STAG3: variants seen among roughly 807,000 people sequenced by gnomAD.
The protein encoded by STAG3 is cohesin subunit SA-3.
Under a neutral mutation model 160.7 loss-of-function variants are expected in STAG3, and 101 were observed. The observed-to-expected ratio is 0.63, with a 90% CI of 0.54 to 0.74. The LOEUF is 0.74. STAG3 is among the 30% of genes least tolerant of loss of function. STAG3 has a pLI of 0.00. For synonymous variants in STAG3, 519 were observed against 585.0 expected (o/e 0.89, Z 1.63); for missense variants, 1,188 against 1,517.4 (o/e 0.78, Z 3.61).
intron 1 of STAG3, among the ~76,000 whole-genome samples, chr7:100,179,639 T>C (rs1799514327): frequency 6.6e-6 from 1 of 152,198 alleles, no homozygotes; most frequent in Non-Finnish European, 1.5e-5. Context: ...GGTGTGTGAC[T>C]TCCTCAGCTT....
Position 100,211,803 on chromosome 7 carries a change from T to C in STAG3, c.3527T>C (p.Leu1176Pro). 1 of 1,614,082 alleles carries C rather than the reference T, an allele frequency of 6.2e-7. No homozygotes were observed. The highest frequency in any genetic ancestry group is 8.5e-7 in the Non-Finnish European group (1 of 1,179,996). ...GLGNQLMRLS[L>P]MEEDEEEELE... ...CTTTGCCCCTACATCAGACTCAGCC[T>C]TATGGAAGAGGACGAGGAAGAAGAG... The change falls in exon 32 of 34, where the codon CTT (leucine) becomes CCT (proline). Residue 1176 changes from leucine to proline, a missense_variant. By Grantham distance (98) the Leu-to-Pro change is moderately conservative. This residue lies in a region of STAG3 where 647 missense variants were observed against 717.2 expected (regional missense o/e 0.90). Coordinates refer to ENST00000615138, the MANE Select transcript of STAG3 (RefSeq NM_001282717.2).
chr7:100,206,883 G>A lies in STAG3; in HGVS notation c.3238+1499G>A, dbSNP rs564839079. Among the ~76,000 whole-genome samples the A allele has an allele frequency of 1.0e-3, 157 of 152,178 alleles. 3 individuals carry two copies. The South Asian group carries it at 0.029, about 28-fold the overall frequency. On this transcript the variant is annotated intron_variant, in intron 29 of 33. Coordinates refer to ENST00000615138, the MANE Select transcript of STAG3 (RefSeq NM_001282717.2). The stretch of plus-strand genomic sequence containing the variant: ...TCCAAAAGAAACCACATACCCATTC[G>A]CAGTCTCTGCCCATCTTCCCAGCCT...
At position 100,211,081 on chromosome 7, in the gene STAG3, G is replaced by A. The variant is rs147288707; in HGVS notation, c.3309G>A (p.Pro1103=). The A allele has an allele frequency of 8.6e-6, 10 of 1,165,482 alleles. No homozygotes were observed. The highest frequency in any genetic ancestry group is 4.7e-5 in the African/African-American group (3 of 64,264). The allele number at this position is 1,165,482 out of a possible 1,614,324, so 72.2% of individuals were successfully genotyped here. The change falls in exon 30 of 34, where the codon CCG becomes CCA. Residue 1103 remains proline (P), a synonymous_variant. Transcript: ENST00000615138. ...AAAGTCTGCAGCTGAACAGCATCCC[G>A]CCCACGCCCACCCTCACCTCCACAG... ...QEESLQLNSI[P]PTPTLTSTAV... is the part of the protein sequence containing the mutation.
rs1452680602 is a variant in STAG3, at chr7:100,196,583, G to C, written c.942-573G>C. ...AAGACAGGCAGATCACTTGAGGTCA[G>C]GAGTTCGAGACCAGCCTGGCCAACA... is the stretch of plus-strand genomic sequence containing the variant. On this transcript the variant is annotated intron_variant, in intron 9 of 33. Transcript: ENST00000615138. Among the ~76,000 whole-genome samples the C allele has an allele frequency of 7.9e-5, 12 of 152,322 alleles. 1 individual carries two copies. In the South Asian group the frequency reaches 2.5e-3, roughly 32 times the overall value.
In STAG3 at chr7:100,181,277, G is replaced by A. The variant is rs541612004; in HGVS notation, c.116+605G>A. ...TTTACCTTTCCAGAAGGAAAAAAGC[G>A]AATTTCATACAGATCTGCTTTATCC... On this transcript the variant is annotated intron_variant, in intron 2 of 33. Coordinates refer to ENST00000615138, the MANE Select transcript of STAG3 (RefSeq NM_001282717.2). 3 of 152,268 alleles carry A rather than the reference G, an allele frequency of 2.0e-5. No homozygotes were observed. The South Asian group carries it at 6.2e-4, about 32-fold the overall frequency. 9.4% of individuals were successfully genotyped at this position (152,268 alleles called of 1,614,324 possible).
intron 32 of STAG3, chr7:100,212,298 C>G (rs1727128): frequency 0.51 from 81,752 of 160,154 alleles, 21,517 homozygotes; most frequent in African/African-American, 0.61. Flanking sequence ...TCCCTCACTC[C>G]CTTTCTAACC....
chr7:100,204,196 T>C (rs1801417320), intron 26 of STAG3, 74 bp downstream of exon 26: 29 of 1,173,462 alleles, frequency 2.5e-5, no homozygotes, highest in South Asian at 1.9e-4. Flanking sequence ...CCACTCAGAA[T>C]GTAAGATCCT....
chr7:100,200,268 C>A lies in STAG3; in HGVS notation c.1710C>A (p.Ala570=). The A allele has an allele frequency of 6.2e-7, 1 of 1,613,220 alleles. No individual in the cohort carries two copies. The highest frequency in any genetic ancestry group is 1.1e-5 in the South Asian group (1 of 91,010). Reference sequence around the variant, plus strand: ...CCTCTAAGGAGCGCAAGACCCAAGCCGATGACAGGGTGAAGTTGACTGAGC... The same window carrying A: ...CCTCTAAGGAGCGCAAGACCCAAGCAGATGACAGGGTGAAGTTGACTGAGC... ...GLTSKERKTQ[A]DDRVKLTEHL... is the part of the protein sequence containing the mutation. Residue 570 remains alanine, a synonymous_variant, in exon 17 of 34, where the codon GCC becomes GCA. Coordinates refer to ENST00000615138, the MANE Select transcript of STAG3 (RefSeq NM_001282717.2).
At position 100,201,163 on chromosome 7, in the gene STAG3, G is replaced by T. The variant is rs1469687224; in HGVS notation, c.2132+3G>T. On this transcript the variant is annotated splice_donor_region_variant and intron_variant, in intron 20 of 33. Transcript: ENST00000615138. Reference sequence around the variant, plus strand: ...AAACGCCTCTCTGCCTTCTACAAGTGAGTGGCTTTCCTCCTCTTCCCCATC... The same window carrying T: ...AAACGCCTCTCTGCCTTCTACAAGTTAGTGGCTTTCCTCCTCTTCCCCATC... The T allele has an allele frequency of 1.2e-6, 2 of 1,614,200 alleles. No homozygotes were observed. The highest frequency in any genetic ancestry group is 1.7e-6 in the Non-Finnish European group (2 of 1,180,040).
chr7:100,197,557 G>C (rs1240861080), intron 10 of STAG3: 13 of 636,338 alleles, frequency 2.0e-5, no homozygotes, highest in Non-Finnish European at 3.4e-5. Context: ...AGGTGCTAAG[G>C]GGCAGCCAAA....
Position 100,205,276 on chromosome 7 carries a change from C to A in STAG3, c.3130C>A (p.His1044Asn), listed in dbSNP as rs777330729. 2.4e-5 allele frequency: 39 copies of A among 1,614,148 alleles called. No individual in the cohort carries two copies. In the African/African-American group the frequency reaches 4.9e-4, roughly 20 times the overall value. ...CLQHVSQAPGHPWGPVTTYCH... is the reference protein window; with the variant it reads ...CLQHVSQAPGNPWGPVTTYCH... Reference sequence around the variant, plus strand: ...GCAGCATGTCTCCCAGGCACCTGGCCATCCCTGGGGCCCAGTCACCACCTA... The same window carrying A: ...GCAGCATGTCTCCCAGGCACCTGGCAATCCCTGGGGCCCAGTCACCACCTA... Residue 1044 changes from histidine (H) to asparagine (N), a missense_variant, in exon 29 of 34, where the codon CAT becomes AAT. Around this residue, in one of 4 missense-constraint regions of STAG3, gnomAD observed 647 missense variants for 717.2 expected, o/e 0.90. Coordinates refer to ENST00000615138, the MANE Select transcript of STAG3 (RefSeq NM_001282717.2).
At chr7:100,216,694 G>C (rs1188624494), downstream of STAG3, among the ~76,000 whole-genome samples, 1 of 151,952 alleles carries the variant, frequency 6.6e-6, no homozygotes, top group Non-Finnish European at 1.5e-5. Context: ...CCAGCTACTC[G>C]GGAGGCTGAG....
intron 3 of STAG3, 77 bp downstream of exon 3, chr7:100,182,269 G>A: frequency 3.8e-6 from 4 of 1,051,666 alleles, no homozygotes; most frequent in Non-Finnish European, 5.7e-6. Context: ...TGAGGCAGGA[G>A]AATGGCGTGA....
chr7:100,205,186 C>G, intron 28 of STAG3, 41 bp from the exon 29 acceptor site: 15 of 1,613,282 alleles, frequency 9.3e-6, no homozygotes, highest in Non-Finnish European at 1.3e-5. Flanking sequence ...TGCTGAGGGC[C>G]CAGTAGCCCC....
At chr7:100,179,791 A>G (rs760041258) in intron 1 of STAG3, among the ~76,000 whole-genome samples, 3 of 152,154 alleles carry the variant, frequency 2.0e-5, no homozygotes, top group Non-Finnish European at 2.9e-5. Flanking sequence ...GCTGGAGTGC[A>G]GTGGCACGAT....
chr7:100,211,335 A>G, intron 30 of STAG3, 100 bp from the exon 31 acceptor site: 3 of 1,494,674 alleles, frequency 2.0e-6, no homozygotes, highest in Admixed American at 1.9e-5. Flanking sequence ...TAGCTTTAAA[A>G]TGCATCTCTC....
intron 1 of STAG3, among the ~76,000 whole-genome samples, chr7:100,178,555 T>A (rs1263242294): frequency 1.3e-5 from 2 of 151,748 alleles, no homozygotes; most frequent in Non-Finnish European, 2.9e-5. Flanking sequence ...GAAGCTGCCC[T>A]GCTGTCTGCC....
intron 32 of STAG3, 168 bp downstream of exon 32, chr7:100,212,044 TCTA>T (rs1178282328): frequency 1.8e-6 from 1 of 562,946 alleles, no homozygotes; most frequent in East Asian, 3.0e-5. Context: ...TTGCTTGGAC[TCTA>T]CTTTTATTAA....
intron 4 of STAG3, among the ~76,000 whole-genome samples, chr7:100,183,128 C>T (rs981803668): frequency 6.6e-6 from 1 of 152,240 alleles, no homozygotes; most frequent in African/African-American, 2.4e-5. Context: ...ATTCTTGTGC[C>T]TCAGCCTCCC....
Sources: allele counts gnomAD v4.1 joint callset (sites outside exome capture counted in the v4.1 genomes callset), GRCh38; gene constraint gnomAD v4.1.1; regional missense constraint gnomAD v4.1.1; transcripts MANE v1.5; gene names NCBI Gene and HGNC (gene_info 2026-07-23, HGNC 2026-07-21).